SCFD2: variants seen among roughly 807,000 people sequenced by gnomAD.
SCFD2 encodes sec1 family domain containing 2.
SCFD2 carries 54 observed loss-of-function variants against 58.9 expected under a neutral mutation model. The observed-to-expected ratio is 0.92, with a 90% CI of 0.74 to 1.15. SCFD2 has a LOEUF of 1.15. Among genes scored for constraint, SCFD2 ranks in the 50% most tolerant of loss-of-function variants. The probability of loss-of-function intolerance (pLI) is 0.00; values close to 1 mark genes in which losing one functional copy is unlikely to be tolerated. For synonymous variants in SCFD2, 321 were observed against 335.9 expected (o/e 0.96, Z 0.49); for missense variants, 805 against 836.6 (o/e 0.96, Z 0.47).
chr4:52,883,488 G>A (rs1202215389), intron 8 of SCFD2, among the ~76,000 whole-genome samples: 2 of 152,204 alleles, frequency 1.3e-5, no homozygotes, highest in East Asian at 1.9e-4. Flanking sequence ...AAAATTCTTT[G>A]AGAAGCTCTC....
chr4:53,192,633 A>T (rs1727947892), intron 4 of SCFD2, among the ~76,000 whole-genome samples: 1 of 152,206 alleles, frequency 6.6e-6, no homozygotes, highest in African/African-American at 2.4e-5. Context: ...GACCCACTCA[A>T]TGTATGACTG....
At position 53,020,122 on chromosome 4, in the gene SCFD2, A is replaced by T. The variant is rs1049070317; in HGVS notation, c.1562-99252T>A. ...TTCTTTTCTTTTACAACTATTTTTGAATAGGTAATAGCTCTTCCGGTGCCC... is the reference window on the plus strand; with the variant it reads ...TTCTTTTCTTTTACAACTATTTTTGTATAGGTAATAGCTCTTCCGGTGCCC... On this transcript the variant is annotated intron_variant, in intron 5 of 8. Transcript: ENST00000401642. Among the ~76,000 whole-genome samples the T allele has an allele frequency of 3.3e-5, 5 of 152,292 alleles. 1 individual carries two copies. The highest frequency in any genetic ancestry group is 3.9e-4 in the East Asian group (2 of 5,184).
rs545721557 is a variant in SCFD2 at position 52,976,161 on chromosome 4, C to G, written c.1562-55291G>C. ...CATGTTGTGTACATGTACCCTAAAA[C>G]TTAAAGTATATATAAAAAAAATTGG... is the stretch of plus-strand genomic sequence containing the variant. On this transcript the variant is annotated intron_variant, in intron 5 of 8. Coordinates refer to ENST00000401642, the MANE Select transcript of SCFD2 (RefSeq NM_152540.4). 5.9e-5 allele frequency among the ~76,000 whole-genome samples: 9 copies of G among 152,058 alleles called. No homozygotes were observed. In the South Asian group the frequency reaches 1.9e-3, roughly 32 times the overall value.
At chr4:52,876,168 A>G (rs576786761) in intron 8 of SCFD2, among the ~76,000 whole-genome samples, 5 of 152,152 alleles carry the variant, frequency 3.3e-5, no homozygotes, top group African/African-American at 1.2e-4. Flanking sequence ...GAAAGTCACA[A>G]CTTACAGCCT....
chr4:53,345,583 A>C (rs993991307), intron 2 of SCFD2, among the ~76,000 whole-genome samples: 2 of 152,202 alleles, frequency 1.3e-5, no homozygotes, highest in Non-Finnish European at 2.9e-5. Context: ...TTGACCCAGC[A>C]ATCCCATTAC....
At chr4:53,243,443 A>G (rs1194028950) in intron 4 of SCFD2, among the ~76,000 whole-genome samples, 1 of 152,182 alleles carries the variant, frequency 6.6e-6, no homozygotes, top group African/African-American at 2.4e-5. Context: ...AGAATTAATA[A>G]TTACCAGACC....
intron 3 of SCFD2, among the ~76,000 whole-genome samples, chr4:53,287,095 C>T (rs1388503668): frequency 1.3e-5 from 2 of 152,162 alleles, no homozygotes; most frequent in African/African-American, 4.8e-5. Flanking sequence ...CAGACATAAA[C>T]CTGTCCCCGG....
chr4:53,079,865 T>C (rs537549754), intron 5 of SCFD2, among the ~76,000 whole-genome samples: 17 of 152,326 alleles, frequency 1.1e-4, no homozygotes, highest in African/African-American at 3.8e-4. Flanking sequence ...GGATGTTTGA[T>C]GACTATATGG....
chr4:53,020,752 G>T (rs993412152), intron 5 of SCFD2, among the ~76,000 whole-genome samples: 5 of 152,172 alleles, frequency 3.3e-5, no homozygotes, highest in African/African-American at 4.8e-5. Context: ...GCCACACAGG[G>T]CAGATAAAGA....
intron 3 of SCFD2, among the ~76,000 whole-genome samples, chr4:53,288,461 A>G (rs1400962925): frequency 1.3e-5 from 2 of 152,192 alleles, no homozygotes; most frequent in Non-Finnish European, 2.9e-5. Context: ...CTACAAAAAC[A>G]AAAACAATTG....
At chr4:53,012,355 T>C (rs141676958) in intron 5 of SCFD2, among the ~76,000 whole-genome samples, 4 of 146,054 alleles carry the variant, frequency 2.7e-5, no homozygotes, top group South Asian at 2.2e-4. Context: ...CTCTCTCTCT[T>C]TCTCTCTCTC....
At chr4:53,100,267 A>T (rs1468864648) in intron 5 of SCFD2, among the ~76,000 whole-genome samples, 1 of 152,176 alleles carries the variant, frequency 6.6e-6, no homozygotes, top group African/African-American at 2.4e-5. Flanking sequence ...GTAGGATAAT[A>T]ATAGCAACTA....
At position 53,151,469 on chromosome 4, in the gene SCFD2, GT is replaced by G. The variant is rs1223065645; in HGVS notation, c.1312-5888del. 3.3e-5 allele frequency among the ~76,000 whole-genome samples: 5 copies of G among 151,976 alleles called. No individual in the cohort carries two copies. In the East Asian group the frequency reaches 5.8e-4, roughly 18 times the overall value. On this transcript the variant is annotated intron_variant, in intron 4 of 8. Coordinates refer to ENST00000401642, the MANE Select transcript of SCFD2 (RefSeq NM_152540.4). The stretch of plus-strand genomic sequence containing the variant: ...GCAAAAGGCCCTCTGTAAAATATGT[GT>G]TTTTTTTAGAAAGCTGACCTTTTTA...
At chr4:53,082,893 C>T (rs1413578253) in intron 5 of SCFD2, among the ~76,000 whole-genome samples, 1 of 152,082 alleles carries the variant, frequency 6.6e-6, no homozygotes, top group African/African-American at 2.4e-5. Flanking sequence ...CTTTCATGGG[C>T]CTCCAGTTTA....
At position 53,294,110 on chromosome 4, in the gene SCFD2, G is replaced by T. The variant is rs188010716; in HGVS notation, c.1135+19526C>A. Among the ~76,000 whole-genome samples, 714 of 152,240 alleles carry T rather than the reference G, an allele frequency of 4.7e-3. 4 individuals are homozygous for T. Among genetic ancestry groups the T allele is most frequent in the African/African-American group, 0.016 (667 of 41,544 alleles). On this transcript the variant is annotated intron_variant, in intron 3 of 8. Coordinates refer to ENST00000401642, the MANE Select transcript of SCFD2 (RefSeq NM_152540.4). ...ACACTGCCACAATAAACATATGTGT[G>T]CATGTATCTTTACAGTAGAATAATT... is the stretch of plus-strand genomic sequence containing the variant.
At position 53,112,225 on chromosome 4, in the gene SCFD2, C is replaced by T. The variant is rs889066732; in HGVS notation, c.1561+33108G>A. On this transcript the variant is annotated intron_variant, in intron 5 of 8. Transcript: ENST00000401642. Reference sequence around the variant, plus strand: ...GACCAAATGAATGCCTGAAGGAAAACGAAGGGAAAAGAGAATGAAAGGTGG... The same window carrying T: ...GACCAAATGAATGCCTGAAGGAAAATGAAGGGAAAAGAGAATGAAAGGTGG... Among the ~76,000 whole-genome samples the T allele has an allele frequency of 5.9e-5, 9 of 151,894 alleles. 1 individual carries two copies. Among genetic ancestry groups the T allele is most frequent in the East Asian group, 5.8e-4 (3 of 5,178 alleles).
intron 5 of SCFD2, among the ~76,000 whole-genome samples, chr4:53,037,448 A>G (rs1722792945): frequency 6.6e-6 from 1 of 152,124 alleles, no homozygotes; most frequent in African/African-American, 2.4e-5. Flanking sequence ...ACAAAATTTT[A>G]AAGCTATAAA....
At chr4:53,230,382 A>T (rs1471437932) in intron 4 of SCFD2, among the ~76,000 whole-genome samples, 3 of 152,148 alleles carry the variant, frequency 2.0e-5, no homozygotes, top group Non-Finnish European at 4.4e-5. Flanking sequence ...CAAATGTCCA[A>T]CAATGATAGA....
rs562381090 is a variant in SCFD2, at chr4:53,230,079, C to G, written c.1311+43747G>C. Among the ~76,000 whole-genome samples the G allele has an allele frequency of 8.5e-5, 13 of 152,312 alleles. No homozygotes were observed. In the South Asian group the frequency reaches 2.7e-3, roughly 32 times the overall value. On this transcript the variant is annotated intron_variant, in intron 4 of 8. Transcript: ENST00000401642. The stretch of plus-strand genomic sequence containing the variant: ...AATCAAAACCACAATGAGATACCAT[C>G]TCACACCAGTTAGAATGGCGATCAT...
Sources: allele counts gnomAD v4.1 joint callset (sites outside exome capture counted in the v4.1 genomes callset), GRCh38; gene constraint gnomAD v4.1.1; transcripts MANE v1.5; gene names NCBI Gene and HGNC (gene_info 2026-07-23, HGNC 2026-07-21).